Variants in PMPCB observed in about 807,000 individuals in gnomAD.
PMPCB encodes the protein mitochondrial-processing peptidase subunit beta.
Under a neutral mutation model 61.5 loss-of-function variants are expected in PMPCB, and 46 were observed. That is an observed-to-expected ratio of 0.75 (90% CI 0.59 to 0.96). The LOEUF is 0.96. Among genes scored for constraint, PMPCB ranks in the 40% least tolerant of loss-of-function variants. The pLI, the probability that PMPCB is intolerant of heterozygous loss-of-function variation, is 0.00. For synonymous variants in PMPCB, 191 were observed against 201.6 expected (o/e 0.95, Z 0.44); for missense variants, 590 against 602.4 (o/e 0.98, Z 0.22).
chr7:103,321,884 T>G, intron 12 of PMPCB: 4 of 1,557,694 alleles, frequency 2.6e-6, no homozygotes, highest in Non-Finnish European at 3.5e-6. Context: ...TTTTGCTTAA[T>G]AAGCAACTTG....
At chr7:103,317,638 T>C (rs1483414800), downstream of PMPCB, among the ~76,000 whole-genome samples, 1 of 152,276 alleles carries the variant, frequency 6.6e-6, no homozygotes, top group East Asian at 1.9e-4. Flanking sequence ...ACATTCATAG[T>C]GCAGGTTCTT....
At chr7:103,327,710 C>A in intron 12 of PMPCB, 4 of 1,613,702 alleles carry the variant, frequency 2.5e-6, no homozygotes, top group Non-Finnish European at 3.4e-6. Context: ...GGTTCACCAG[C>A]TGCTTTCCGT....
chr7:103,339,192 G>C, the PMPCB span, among the ~76,000 whole-genome samples: 2 of 152,198 alleles, frequency 1.3e-5, no homozygotes, highest in Non-Finnish European at 2.9e-5. Context: ...TGGAATATAA[G>C]CTGTGTGTAA....
chr7:103,337,815 GA>G, the PMPCB span: 3 of 1,605,722 alleles, frequency 1.9e-6, no homozygotes, highest in Admixed American at 1.7e-5. Context: ...CTTGGTTCTG[GA>G]AAAAAAACAC....
At chr7:103,328,873 C>T in intron 12 of PMPCB, 2 of 492,038 alleles carry the variant, frequency 4.1e-6, no homozygotes, top group Non-Finnish European at 6.4e-6. Flanking sequence ...TAAATAATGC[C>T]AATTTGAATA....
At chr7:103,319,985 G>A in intron 12 of PMPCB, 1 of 788,140 alleles carries the variant, frequency 1.3e-6, no homozygotes, top group Non-Finnish European at 2.1e-6. Flanking sequence ...AGCAAACTGA[G>A]ATCACGCCAC....
chr7:103,299,687 T>G (rs893098788), intron 3 of PMPCB, among the ~76,000 whole-genome samples, 158 bp downstream of exon 3: 2 of 152,254 alleles, frequency 1.3e-5, no homozygotes, highest in African/African-American at 4.8e-5. Flanking sequence ...AATTGCTTTG[T>G]AAAGCTGAAA....
downstream of PMPCB, chr7:103,316,105 T>C: frequency 1.4e-6 from 2 of 1,470,020 alleles, no homozygotes; most frequent in Non-Finnish European, 1.9e-6. Flanking sequence ...GGATATATTA[T>C]ACAATAATAT....
At chr7:103,316,529 A>G, downstream of PMPCB, 1 of 284,638 alleles carries the variant, frequency 3.5e-6, no homozygotes, top group Non-Finnish European at 6.5e-6. Flanking sequence ...AAGAAAAACT[A>G]CAGAAAACCT....
chr7:103,314,650 TA>T lies in PMPCB; in HGVS notation c.*2380del, dbSNP rs1231879190. The T allele has an allele frequency of 1.0e-6, 1 of 985,278 alleles. No homozygotes were observed. The highest frequency in any genetic ancestry group is 6.2e-5 in the Admixed American group (1 of 16,258). The allele number at this position is 985,278 out of a possible 1,614,324, so 61.0% of individuals were successfully genotyped here. ...TGTTCTGAAACCCTGCCTTGTTACT[TA>T]CCTTTATTAAAAGAACCGAAATAAT... On this transcript the variant is annotated 3_prime_UTR_variant, in exon 13 of 13. Coordinates refer to ENST00000249269, the MANE Select transcript of PMPCB (RefSeq NM_004279.3).
chr7:103,327,406 G>C, intron 12 of PMPCB: 2 of 1,035,192 alleles, frequency 1.9e-6, no homozygotes, highest in South Asian at 2.7e-5. Context: ...TTAATCAGTA[G>C]GTTTGGGGCA....
chr7:103,342,774 A>C, the PMPCB span, among the ~76,000 whole-genome samples: 3 of 151,080 alleles, frequency 2.0e-5, no homozygotes, highest in African/African-American at 7.3e-5. Context: ...ACCCCCGGCT[A>C]ATTTTTTGCA....
At position 103,307,452 on chromosome 7, in the gene PMPCB, G is replaced by A. The variant is rs1346003273; in HGVS notation, c.737-144G>A. On this transcript the variant is annotated intron_variant, in intron 6 of 12. Coordinates refer to ENST00000249269, the MANE Select transcript of PMPCB (RefSeq NM_004279.3). ...GCTTTGCAACACCAAGGAAATAGGT[G>A]TGCTATGTGAGCTTACTCTTAAATA... is the stretch of plus-strand genomic sequence containing the variant. 2.9e-5 allele frequency: 16 copies of A among 559,246 alleles called. No individual in the cohort carries two copies. The South Asian group carries it at 3.4e-4, about 12-fold the overall frequency. 34.6% of individuals were successfully genotyped at this position (559,246 alleles called of 1,614,324 possible). A position where few individuals can be genotyped will look rare whatever the true frequency, so the allele number is the denominator to read the frequency against.
chr7:103,334,580 AAAAAG>A, the PMPCB span, among the ~76,000 whole-genome samples: 148 of 151,770 alleles, frequency 9.8e-4, no homozygotes, highest in South Asian at 8.4e-3. Context: ...TCTTAAAAAA[AAAAAG>A]AAAAGAAATC....
chr7:103,329,064 T>G, exon 13 of PMPCB: 1 of 1,105,678 alleles, frequency 9.0e-7, no homozygotes. Flanking sequence ...TATTTAAAAT[T>G]TGTGATTATC....
At chr7:103,335,030 C>T in the PMPCB span, among the ~76,000 whole-genome samples, 3 of 151,900 alleles carry the variant, frequency 2.0e-5, no homozygotes, top group Non-Finnish European at 2.9e-5. Flanking sequence ...GACGGGGTTT[C>T]GCCATGTTGG....
chr7:103,340,280 T>A, the PMPCB span, among the ~76,000 whole-genome samples: 2 of 152,234 alleles, frequency 1.3e-5, no homozygotes, highest in East Asian at 3.8e-4. Flanking sequence ...CTGCTGTTTT[T>A]CCTCCTCTTC....
chr7:103,300,101 C>A, intron 3 of PMPCB, 77 bp from the exon 4 acceptor site: 1 of 1,362,540 alleles, frequency 7.3e-7, no homozygotes, highest in Non-Finnish European at 1.0e-6. Flanking sequence ...TTATGTCCTC[C>A]ATATTCATTA....
In PMPCB at chr7:103,326,775, G is replaced by C. The variant is rs1010076294; in HGVS notation, c.*1432-2156G>C. 3.9e-6 allele frequency: 5 copies of C among 1,296,936 alleles called. No individual in the cohort carries two copies. In the African/African-American group the frequency reaches 7.6e-5, roughly 20 times the overall value. 80.3% of individuals were successfully genotyped at this position (1,296,936 alleles called of 1,614,324 possible). A position where few individuals can be genotyped will look rare whatever the true frequency, so the allele number is the denominator to read the frequency against. On this transcript the variant is annotated intron_variant and NMD_transcript_variant, in intron 12 of 12. Transcript: ENST00000444457. ...GTATTTCCCTCCTTAAAACATAGAA[G>C]TCATTAATTTTCATATTTGAAAATT...
Sources: gnomAD v4.1 joint callset for allele counts (sites outside exome capture counted in the v4.1 genomes callset) on GRCh38, gnomAD v4.1.1 for gene constraint, MANE v1.5 for transcripts, NCBI Gene and HGNC (gene_info 2026-07-23, HGNC 2026-07-21) for gene names.